The following CCSER1 variants were observed in gnomAD, a reference collection of about 807,000 sequenced individuals.
The protein encoded by CCSER1 is coiled-coil serine rich protein 1, also known as serine-rich coiled-coil domain-containing protein 1.
Under a neutral mutation model 82.0 loss-of-function variants are expected in CCSER1, and 41 were observed. The ratio of observed to expected loss-of-function variants is 0.50; its 90% CI spans 0.39 to 0.65. The LOEUF (loss-of-function observed/expected upper bound fraction) is 0.65. CCSER1 is among the 30% of genes least tolerant of loss of function. The pLI is 0.00. For missense variants in CCSER1, 1,119 were observed against 1,064.2 expected (o/e 1.05, Z -0.72); for synonymous variants, 414 against 383.9 (o/e 1.08, Z -0.92).
chr4:90,339,385 G>A (rs1189345236), intron 3 of CCSER1, among the ~76,000 whole-genome samples: 1 of 152,066 alleles, frequency 6.6e-6, no homozygotes, highest in African/African-American at 2.4e-5. Context: ...TCTCCTCAGA[G>A]CTGCTCAATT....
intron 10 of CCSER1, among the ~76,000 whole-genome samples, chr4:91,354,616 A>G (rs1748698789): frequency 1.3e-5 from 2 of 152,218 alleles, no homozygotes; most frequent in South Asian, 4.1e-4. Flanking sequence ...GGATGAGTGA[A>G]TCCTTTTCCT....
At chr4:90,362,421 A>G (rs981921105) in intron 3 of CCSER1, among the ~76,000 whole-genome samples, 1 of 152,168 alleles carries the variant, frequency 6.6e-6, no homozygotes, top group Non-Finnish European at 1.5e-5. Context: ...TATCACCACA[A>G]ATGTAAAAAT....
rs140730406 is a variant in CCSER1, at chr4:90,587,266, T to A, written c.1725-40759T>A. On this transcript the variant is annotated intron_variant, in intron 5 of 10. Coordinates refer to ENST00000509176, the MANE Select transcript of CCSER1 (RefSeq NM_001145065.2). Reference sequence around the variant, plus strand: ...GAACTGTAAGATAATATATATGTGTTATTTTAAACCACTAAATTTGTAGAA... The same window carrying A: ...GAACTGTAAGATAATATATATGTGTAATTTTAAACCACTAAATTTGTAGAA... 6.6e-5 allele frequency among the ~76,000 whole-genome samples: 10 copies of A among 152,312 alleles called. No homozygotes were observed. In the East Asian group the frequency reaches 1.9e-3, roughly 29 times the overall value.
intron 5 of CCSER1, among the ~76,000 whole-genome samples, chr4:90,520,819 A>T (rs1198845355): frequency 6.6e-6 from 1 of 152,168 alleles, no homozygotes; most frequent in African/African-American, 2.4e-5. Context: ...TGTCCCAGGG[A>T]CTCAGGAGGC....
chr4:90,505,672 C>G (rs533796808), intron 5 of CCSER1, among the ~76,000 whole-genome samples: 74 of 152,284 alleles, frequency 4.9e-4, no homozygotes, highest in African/African-American at 1.6e-3. Context: ...TCAGACCATA[C>G]AGAGTAACTT....
chr4:91,216,503 G>T (rs887561361), intron 10 of CCSER1, among the ~76,000 whole-genome samples: 5 of 152,044 alleles, frequency 3.3e-5, no homozygotes, highest in Non-Finnish European at 7.4e-5. Flanking sequence ...TGTGTTTTTA[G>T]TAGAGACGGG....
intron 6 of CCSER1, among the ~76,000 whole-genome samples, chr4:90,637,384 G>T (rs1013132068): frequency 1.3e-5 from 2 of 152,144 alleles, no homozygotes; most frequent in South Asian, 4.1e-4. Flanking sequence ...CCTAGTCTCA[G>T]AAGTAATATA....
At chr4:90,845,192 C>G (rs1267715018) in intron 8 of CCSER1, among the ~76,000 whole-genome samples, 1 of 151,892 alleles carries the variant, frequency 6.6e-6, no homozygotes, top group African/African-American at 2.4e-5. Flanking sequence ...GAAACCCCGT[C>G]TCTACTAAAA....
At chr4:90,712,616 T>A (rs936985692) in intron 6 of CCSER1, among the ~76,000 whole-genome samples, 1 of 151,912 alleles carries the variant, frequency 6.6e-6, no homozygotes, top group African/African-American at 2.4e-5. Context: ...TACACTGTTG[T>A]TTTGGGGTGG....
intron 5 of CCSER1, among the ~76,000 whole-genome samples, chr4:90,564,714 A>G (rs1184712559): frequency 6.6e-6 from 1 of 151,260 alleles, no homozygotes; most frequent in Non-Finnish European, 1.5e-5. Context: ...GGTGTGAGAT[A>G]AGAGTCTAAT....
In CCSER1 at chr4:91,006,181, AT is replaced by A. The variant is rs925600220; in HGVS notation, c.2173-79761del. On this transcript the variant is annotated intron_variant, in intron 9 of 10. Coordinates refer to ENST00000509176, the MANE Select transcript of CCSER1 (RefSeq NM_001145065.2). ...CTTCAAATTATTTGTCTTCTATTCC[AT>A]TTTTTTTCACCAATGTTTTATAGTT... Among the ~76,000 whole-genome samples, 27 of 150,824 alleles carry A rather than the reference AT, an allele frequency of 1.8e-4. No individual in the cohort carries two copies. In the South Asian group the frequency reaches 5.3e-3, roughly 29 times the overall value.
intron 10 of CCSER1, among the ~76,000 whole-genome samples, chr4:91,380,269 A>G (rs139944324): frequency 0.02 from 2,989 of 152,174 alleles, 76 homozygotes; most frequent in African/African-American, 0.067. Context: ...AGGTCCACTT[A>G]GTGCAGAACT....
chr4:91,297,371 G>GTGTGTGTA (rs1744273416), intron 10 of CCSER1, among the ~76,000 whole-genome samples: 4 of 102,176 alleles, frequency 3.9e-5, no homozygotes, highest in African/African-American at 1.5e-4. Context: ...ATGCTTGTGT[G>GTGTGTGTA]TGTGTGTGTG....
At chr4:90,605,295 A>G (rs1784549345) in intron 5 of CCSER1, among the ~76,000 whole-genome samples, 1 of 152,184 alleles carries the variant, frequency 6.6e-6, no homozygotes, top group Non-Finnish European at 1.5e-5. Flanking sequence ...CCAATTGTGG[A>G]CACATCGGGA....
intron 1 of CCSER1, among the ~76,000 whole-genome samples, chr4:90,167,519 A>G (rs1352077130): frequency 6.6e-6 from 1 of 152,100 alleles, no homozygotes; most frequent in Non-Finnish European, 1.5e-5. Flanking sequence ...ACATGTGCAC[A>G]ATGTGCAGGT....
chr4:90,486,949 T>C (rs187787730), intron 5 of CCSER1, among the ~76,000 whole-genome samples: 245 of 152,330 alleles, frequency 1.6e-3, no homozygotes, highest in African/African-American at 5.6e-3. Context: ...TCTTGCTCTG[T>C]TGCCCAGGCT....
chr4:90,964,700 G>C (rs1199150930), intron 9 of CCSER1, among the ~76,000 whole-genome samples: 1 of 147,380 alleles, frequency 6.8e-6, no homozygotes, highest in Non-Finnish European at 1.5e-5. Flanking sequence ...ATTCCAGCCT[G>C]GGCGACAGAG....
At chr4:91,542,862 C>G (rs1464972017) in intron 10 of CCSER1, among the ~76,000 whole-genome samples, 1 of 151,966 alleles carries the variant, frequency 6.6e-6, no homozygotes, top group Admixed American at 6.6e-5. Flanking sequence ...ATCCTTGTTA[C>G]TTTTTTTCTC....
At chr4:91,124,560 C>T (rs1727343561) in intron 10 of CCSER1, among the ~76,000 whole-genome samples, 1 of 151,766 alleles carries the variant, frequency 6.6e-6, no homozygotes, top group Non-Finnish European at 1.5e-5. Context: ...TCTCTGTGTT[C>T]CCAACTCCTC....
Sources: gnomAD v4.1 joint callset for allele counts (sites outside exome capture counted in the v4.1 genomes callset) on GRCh38, gnomAD v4.1.1 for gene constraint, MANE v1.5 for transcripts, NCBI Gene and HGNC (gene_info 2026-07-23, HGNC 2026-07-21) for gene names.